Variants in MLLT10 observed in about 807,000 individuals in gnomAD.
The protein encoded by MLLT10 is protein AF-10.
A neutral mutation model predicts 129.1 loss-of-function variants in MLLT10; 30 were observed. That is an observed-to-expected ratio of 0.23 (90% CI 0.17 to 0.32). The LOEUF (loss-of-function observed/expected upper bound fraction) is 0.32. Ranked by LOEUF, MLLT10 falls within the 10% of genes least tolerant of loss-of-function variation. The pLI, the probability that MLLT10 is intolerant of heterozygous loss-of-function variation, is 1.00. For missense variants in MLLT10, 1,119 were observed against 1,268.3 expected (o/e 0.88, Z 1.79); for synonymous variants, 490 against 446.4 (o/e 1.10, Z -1.23).
At chr10:21,688,339 A>G in intron 13 of MLLT10, 1 of 652,172 alleles carries the variant, frequency 1.5e-6, no homozygotes, top group Non-Finnish European at 2.7e-6. Context: ...AATTTTTTAA[A>G]TTTACATAGG....
intron 2 of MLLT10, among the ~76,000 whole-genome samples, chr10:21,535,077 G>A (rs985453941): frequency 6.7e-6 from 1 of 148,280 alleles, no homozygotes; most frequent in African/African-American, 2.4e-5. Flanking sequence ...GGCGGGGCGG[G>A]GCGGGGCAGG....
At chr10:21,682,925 G>A (rs759422332) in intron 13 of MLLT10, among the ~76,000 whole-genome samples, 2 of 152,138 alleles carry the variant, frequency 1.3e-5, no homozygotes, top group Non-Finnish European at 2.9e-5. Flanking sequence ...TGAGGCTAGT[G>A]TCAACTTTGT....
At chr10:21,592,357 G>A (rs2042585410) in intron 4 of MLLT10, among the ~76,000 whole-genome samples, 1 of 151,534 alleles carries the variant, frequency 6.6e-6, no homozygotes. Flanking sequence ...ATGTTTTCTG[G>A]CTTTATTTAG....
chr10:21,572,615 AC>A (rs2040327419), intron 3 of MLLT10, among the ~76,000 whole-genome samples: 1 of 150,622 alleles, frequency 6.6e-6, no homozygotes, highest in African/African-American at 2.4e-5. Flanking sequence ...TTTTAAAATT[AC>A]TTTTTTTTTT....
chr10:21,738,402 T>G (rs2058558542), intron 21 of MLLT10: 1 of 1,288,430 alleles, frequency 7.8e-7, no homozygotes, highest in South Asian at 1.2e-5. Context: ...ACTCTAATAA[T>G]AGCATGTGTA....
At chr10:21,739,757 C>T (rs1298658240) in intron 21 of MLLT10, among the ~76,000 whole-genome samples, 1 of 152,186 alleles carries the variant, frequency 6.6e-6, no homozygotes, top group African/African-American at 2.4e-5. Flanking sequence ...CTTGATTTCT[C>T]TTAAGCTGCT....
At chr10:21,662,782 G>A (rs1418003776) in intron 9 of MLLT10, among the ~76,000 whole-genome samples, 1 of 152,212 alleles carries the variant, frequency 6.6e-6, no homozygotes, top group East Asian at 1.9e-4. Flanking sequence ...AAAGGGAACT[G>A]CACTATAAAT....
chr10:21,564,053 C>T (rs1458029646), intron 3 of MLLT10, among the ~76,000 whole-genome samples: 2 of 152,092 alleles, frequency 1.3e-5, no homozygotes, highest in Non-Finnish European at 2.9e-5. Context: ...ACCTCGTGAT[C>T]CACCCGCCTT....
intron 15 of MLLT10, 128 bp from the exon 16 acceptor site, chr10:21,727,728 A>G (rs1318327075): frequency 7.5e-6 from 5 of 670,434 alleles, no homozygotes; most frequent in Middle Eastern, 3.1e-4. Flanking sequence ...TAGATCTTCT[A>G]TTTTCGTGGG....
chr10:21,678,496 T>C (rs1402536969), intron 11 of MLLT10, among the ~76,000 whole-genome samples: 2 of 152,152 alleles, frequency 1.3e-5, no homozygotes, highest in African/African-American at 4.8e-5. Context: ...TGAATTGTAC[T>C]TTGAAGTAGG....
chr10:21,556,066 C>G (rs942498941), intron 3 of MLLT10, among the ~76,000 whole-genome samples: 1 of 151,580 alleles, frequency 6.6e-6, no homozygotes, highest in Non-Finnish European at 1.5e-5. Context: ...ACCTTCGCCT[C>G]CCGGGTTCAG....
At chr10:21,580,370 C>T (rs2041271629) in intron 3 of MLLT10, among the ~76,000 whole-genome samples, 1 of 149,080 alleles carries the variant, frequency 6.7e-6, no homozygotes. Context: ...TATCACAGTC[C>T]TATTAATATA....
intron 14 of MLLT10, among the ~76,000 whole-genome samples, chr10:21,723,625 C>T (rs1324077809): frequency 1.3e-5 from 2 of 152,096 alleles, no homozygotes; most frequent in Non-Finnish European, 2.9e-5. Context: ...CTTGGAGGAC[C>T]ACCGTATCCG....
chr10:21,608,578 T>C (rs1412976315), intron 5 of MLLT10, among the ~76,000 whole-genome samples: 1 of 152,148 alleles, frequency 6.6e-6, no homozygotes, highest in Non-Finnish European at 1.5e-5. Flanking sequence ...TTTGGAAGTT[T>C]TCAGCACTAG....
At chr10:21,640,415 A>C (rs958942225) in intron 8 of MLLT10, among the ~76,000 whole-genome samples, 5 of 150,980 alleles carry the variant, frequency 3.3e-5, no homozygotes, top group Admixed American at 6.6e-5. Flanking sequence ...CTATCATTTG[A>C]TCTTACTTGT....
intron 13 of MLLT10, among the ~76,000 whole-genome samples, chr10:21,690,881 T>C (rs759727274): frequency 2.0e-5 from 3 of 152,184 alleles, no homozygotes; most frequent in Non-Finnish European, 2.9e-5. Context: ...CAGATTATTC[T>C]AATATCCTCT....
chr10:21,733,562 A>C lies in MLLT10; in HGVS notation c.2466A>C (p.Leu822Phe), dbSNP rs139671486. ...GCCCTCATATAGGAAACAGCTTTTT[A>C]CCTGATAATTCTCTTCCTGTATTAA... ...SKSPHIGNSF[L>F]PDNSLPVLNQ... is the part of the protein sequence containing the mutation. Residue 822 changes from leucine (L) to phenylalanine (F), a missense_variant, in exon 19 of 23, where the codon TTA becomes TTC. Transcript: ENST00000307729. 3 of 1,576,396 alleles carry C rather than the reference A, an allele frequency of 1.9e-6. No individual in the cohort carries two copies. Among genetic ancestry groups the C allele is most frequent in the African/African-American group, 2.7e-5 (2 of 73,104 alleles).
At chr10:21,544,986 A>G (rs1286838130) in intron 3 of MLLT10, among the ~76,000 whole-genome samples, 1 of 152,170 alleles carries the variant, frequency 6.6e-6, no homozygotes, top group Non-Finnish European at 1.5e-5. Flanking sequence ...TCTGTACTAA[A>G]AATACAAAAT....
intron 9 of MLLT10, among the ~76,000 whole-genome samples, chr10:21,659,677 A>T (rs935552890): frequency 6.6e-6 from 1 of 151,730 alleles, no homozygotes; most frequent in Non-Finnish European, 1.5e-5. Context: ...CGCCTGGCTG[A>T]TTCTTGTATT....
Sources: gnomAD v4.1 joint callset for allele counts (sites outside exome capture counted in the v4.1 genomes callset) on GRCh38, gnomAD v4.1.1 for gene constraint, MANE v1.5 for transcripts, NCBI Gene and HGNC (gene_info 2026-07-23, HGNC 2026-07-21) for gene names.